The following EEF2K variants were observed in gnomAD, a reference collection of about 807,000 sequenced individuals.
The protein encoded by EEF2K is alternative protein EEF2K.
In EEF2K, 70 loss-of-function variants were observed where a neutral mutation model predicts 93.8. That is an observed-to-expected ratio of 0.75 (90% CI 0.62 to 0.91). EEF2K has a LOEUF of 0.91. Among genes scored for constraint, EEF2K ranks in the 40% least tolerant of loss-of-function variants. The probability of loss-of-function intolerance (pLI) is 0.00; values close to 1 mark genes in which losing one functional copy is unlikely to be tolerated. For missense variants in EEF2K, 935 were observed against 972.9 expected (o/e 0.96, Z 0.52); for synonymous variants, 376 against 380.8 (o/e 0.99, Z 0.15).
intron 10 of EEF2K, among the ~76,000 whole-genome samples, chr16:22,259,656 CTG>C (rs2047442803): frequency 6.6e-6 from 1 of 152,234 alleles, no homozygotes; most frequent in Admixed American, 6.5e-5. Context: ...AATGTAAACA[CTG>C]TTCTTACAAA....
intron 2 of EEF2K, among the ~76,000 whole-genome samples, chr16:22,230,268 C>T (rs1413226671): frequency 2.6e-5 from 4 of 151,830 alleles, no homozygotes; most frequent in Admixed American, 2.6e-4. Flanking sequence ...GGCTGGAGGG[C>T]AGTGGTGTGA....
chr16:22,250,556 C>T (rs2047339457), intron 4 of EEF2K, 98 bp from the exon 5 acceptor site: 4 of 1,453,902 alleles, frequency 2.8e-6, no homozygotes, highest in Non-Finnish European at 3.8e-6. Context: ...CCCAGGGCAC[C>T]CATTTGATAG....
chr16:22,239,475 A>G (rs572175135), intron 2 of EEF2K, among the ~76,000 whole-genome samples: 2 of 152,260 alleles, frequency 1.3e-5, no homozygotes, highest in South Asian at 4.1e-4. Flanking sequence ...TGTCCCTGCC[A>G]TTTGTAGCAG....
chr16:22,225,853 A>G lies in EEF2K; in HGVS notation c.124A>G (p.Ile42Val). The G allele has an allele frequency of 6.2e-7, 1 of 1,614,252 alleles. No homozygotes were observed. ...TGAGGAAGGTTACTTCATCTGCCCC[A>G]TCACGGATGACCCAAGCTCGAACCA... ...DDEEGYFICP[I>V]TDDPSSNQNV... The change falls in exon 2 of 18, where the codon ATC (isoleucine) becomes GTC (valine). Residue 42 changes from isoleucine (I) to valine (V), a missense_variant. Coordinates refer to ENST00000263026, the MANE Select transcript of EEF2K (RefSeq NM_013302.5).
chr16:22,229,281 T>A (rs1178355192), intron 2 of EEF2K, among the ~76,000 whole-genome samples: 1 of 152,212 alleles, frequency 6.6e-6, no homozygotes, highest in African/African-American at 2.4e-5. Context: ...ATATGTGCAA[T>A]GTGATCCTTC....
Position 22,284,094 on chromosome 16 carries a change from A to G in EEF2K, c.*98A>G. On this transcript the variant is annotated 3_prime_UTR_variant, in exon 18 of 18. Coordinates refer to ENST00000263026, the MANE Select transcript of EEF2K (RefSeq NM_013302.5). ...CTTATTTAGTTTGGGGAGGGGAAGC[A>G]TTTTTAAGTGTGTTGTAAAATCAAA... 9.3e-7 allele frequency: 1 copy of G among 1,076,124 alleles called. No individual in the cohort carries two copies. The highest frequency in any genetic ancestry group is 1.4e-6 in the Non-Finnish European group (1 of 740,656). 66.7% of individuals were successfully genotyped at this position (1,076,124 alleles called of 1,614,324 possible).
rs775198520 is a variant in EEF2K, at chr16:22,257,779, C to T, written c.1029+9C>T. On this transcript the variant is annotated intron_variant, in intron 9 of 17. Coordinates refer to ENST00000263026, the MANE Select transcript of EEF2K (RefSeq NM_013302.5). ...AGAACACCAAGCTGCTGGTGGGTGC[C>T]CAGTGTGACCCTGCTTGGCCTGGCA... The T allele has an allele frequency of 6.1e-5, 98 of 1,612,672 alleles. No homozygotes were observed. The highest frequency in any genetic ancestry group is 8.1e-5 in the Non-Finnish European group (95 of 1,179,546).
chr16:22,272,055 C>A (rs1304988665), intron 15 of EEF2K, among the ~76,000 whole-genome samples: 7 of 152,206 alleles, frequency 4.6e-5, no homozygotes, highest in African/African-American at 1.7e-4. Flanking sequence ...TTAGTTTCAT[C>A]TGCAGTGTTC....
chr16:22,277,664 T>C (rs994792165), intron 16 of EEF2K, among the ~76,000 whole-genome samples: 2 of 152,054 alleles, frequency 1.3e-5, no homozygotes, highest in African/African-American at 2.4e-5. Flanking sequence ...GAATTAAAGA[T>C]TTTGGTAGTT....
Position 22,266,806 on chromosome 16 carries a change from A to G in EEF2K, c.1694A>G (p.Glu565Gly). Reference sequence around the variant, plus strand: ...CACGCAGCCAACCTGGGCGAGCTGGAGGCCATCGTGGGCCTGGGACTCATG... The same window carrying G: ...CACGCAGCCAACCTGGGCGAGCTGGGGGCCATCGTGGGCCTGGGACTCATG... ...LEHAANLGEL[E>G]AIVGLGLMYS... The change falls in exon 15 of 18, where the codon GAG (glutamate) becomes GGG (glycine). Residue 565 changes from glutamate (E) to glycine (G), a missense_variant. Coordinates refer to ENST00000263026, the MANE Select transcript of EEF2K (RefSeq NM_013302.5). 2 of 1,614,184 alleles carry G rather than the reference A, an allele frequency of 1.2e-6. No homozygotes were observed. Among genetic ancestry groups the G allele is most frequent in the Non-Finnish European group, 1.7e-6 (2 of 1,180,030 alleles).
Position 22,286,124 on chromosome 16 carries a change from T to C in EEF2K, c.*2128T>C, listed in dbSNP as rs2047750812. 6.6e-6 allele frequency: 1 copy of C among 152,170 alleles called. No individual in the cohort carries two copies. Among genetic ancestry groups the C allele is most frequent in the Non-Finnish European group, 1.5e-5 (1 of 68,024 alleles). 9.4% of individuals were successfully genotyped at this position (152,170 alleles called of 1,614,324 possible). A position where few individuals can be genotyped will look rare whatever the true frequency, so the allele number is the denominator to read the frequency against. The stretch of plus-strand genomic sequence containing the variant: ...TGAAAAAAATCCCTTGGACCACCCA[T>C]AAATGACAGTGACTTTTTCAATATG... On this transcript the variant is annotated 3_prime_UTR_variant, in exon 18 of 18. Transcript: ENST00000263026.
chr16:22,250,715 G>A, intron 5 of EEF2K, 24 bp downstream of exon 5: 1 of 1,614,064 alleles, frequency 6.2e-7, no homozygotes, highest in Non-Finnish European at 8.5e-7. Flanking sequence ...CCTGGCTCTT[G>A]GGGCCCTGCC....
intron 1 of EEF2K, among the ~76,000 whole-genome samples, chr16:22,218,956 G>GA: frequency 6.7e-6 from 1 of 149,870 alleles, no homozygotes; most frequent in Non-Finnish European, 1.5e-5. Flanking sequence ...AAAAAAAAGA[G>GA]AAAAAAGAAA....
At chr16:22,212,555 C>G (rs772992646) in intron 1 of EEF2K, among the ~76,000 whole-genome samples, 2 of 151,964 alleles carry the variant, frequency 1.3e-5, no homozygotes, top group Non-Finnish European at 2.9e-5. Context: ...CTCCTGACCT[C>G]GTGATCCGCC....
chr16:22,227,056 G>A (rs1267066459), intron 2 of EEF2K, among the ~76,000 whole-genome samples: 6 of 152,088 alleles, frequency 3.9e-5, no homozygotes, highest in African/African-American at 7.2e-5. Flanking sequence ...AAAATTAGCC[G>A]GGTGTGGTGG....
chr16:22,245,356 G>A (rs191139454), intron 3 of EEF2K, among the ~76,000 whole-genome samples: 10 of 152,236 alleles, frequency 6.6e-5, no homozygotes, highest in African/African-American at 4.8e-5. Context: ...GTAGACCCAC[G>A]CACTTCAAAC....
chr16:22,259,864 TG>T (rs2047445443), intron 10 of EEF2K, among the ~76,000 whole-genome samples: 1 of 152,110 alleles, frequency 6.6e-6, no homozygotes, highest in African/African-American at 2.4e-5. Flanking sequence ...GCGATTCTCC[TG>T]CCTCAGCCTC....
At chr16:22,206,929 G>A (rs2046868854) in intron 1 of EEF2K, among the ~76,000 whole-genome samples, 1 of 152,206 alleles carries the variant, frequency 6.6e-6, no homozygotes, top group African/African-American at 2.4e-5. Context: ...AAAGCAATTG[G>A]CAAGCAATGG....
intron 2 of EEF2K, among the ~76,000 whole-genome samples, chr16:22,229,442 C>T (rs963386050): frequency 1.3e-4 from 20 of 152,232 alleles, no homozygotes; most frequent in East Asian, 3.9e-4. Context: ...AAGCCGGGCG[C>T]GGTGGCTCAC....
Sources: gnomAD v4.1 joint callset for allele counts (sites outside exome capture counted in the v4.1 genomes callset) on GRCh38, gnomAD v4.1.1 for gene constraint, MANE v1.5 for transcripts, NCBI Gene and HGNC (gene_info 2026-07-23, HGNC 2026-07-21) for gene names.